Variants in HSD17B2 observed in about 807,000 individuals in gnomAD.
HSD17B2 encodes the protein hydroxysteroid 17-beta dehydrogenase 2, also known as 17-beta-hydroxysteroid dehydrogenase type 2.
Under a neutral mutation model 26.9 loss-of-function variants are expected in HSD17B2, and 32 were observed. That is an observed-to-expected ratio of 1.19 (90% CI 0.90 to 1.60). HSD17B2 has a LOEUF of 1.60. Ranked by LOEUF, HSD17B2 falls within the 40% of genes most tolerant of loss-of-function variation. The pLI is 0.00. For missense variants in HSD17B2, 613 were observed against 468.6 expected (o/e 1.31, Z -2.85); for synonymous variants, 246 against 186.7 (o/e 1.32, Z -2.59).
chr16:82,039,581 C>G lies in HSD17B2; in HGVS notation c.265+3892C>G, dbSNP rs79612146. Among the ~76,000 whole-genome samples the G allele has an allele frequency of 6.2e-3, 945 of 152,238 alleles. 12 individuals carry two copies. Among genetic ancestry groups the G allele is most frequent in the Middle Eastern group, 0.024 (7 of 294 alleles). ...TTAAGACCAGGAAATTACTGTCAAGCGATGGGATCAAAATTCCTACTTTTC... is the reference window on the plus strand; with the variant it reads ...TTAAGACCAGGAAATTACTGTCAAGGGATGGGATCAAAATTCCTACTTTTC... On this transcript the variant is annotated intron_variant, in intron 1 of 4. Coordinates refer to ENST00000199936, the MANE Select transcript of HSD17B2 (RefSeq NM_002153.3).
chr16:82,035,857 G>A (rs1156455095), intron 1 of HSD17B2, among the ~76,000 whole-genome samples, 168 bp downstream of exon 1: 2 of 152,046 alleles, frequency 1.3e-5, no homozygotes, highest in African/African-American at 4.8e-5. Context: ...TTTTTTCCAG[G>A]AGGTGCATTT....
chr16:82,076,966 TG>T (rs1357837073), intron 3 of HSD17B2, among the ~76,000 whole-genome samples: 1 of 152,088 alleles, frequency 6.6e-6, no homozygotes, highest in Non-Finnish European at 1.5e-5. Context: ...ACCAGAGAAG[TG>T]AAAGATCTCT....
At position 82,090,885 on chromosome 16, in the gene HSD17B2, TCCCA is replaced by T. The variant is rs1597139858; in HGVS notation, c.665-16_665-13del. ...ACATTTCTAACTTTGCTTCTTTTTC[TCCCA>T]TTATTCCCATAGGAGGGGCCCCAAT... On this transcript the variant is annotated splice_polypyrimidine_tract_variant and intron_variant, in intron 3 of 4. Transcript: ENST00000199936. 6.3e-7 allele frequency: 1 copy of T among 1,582,428 alleles called. No homozygotes were observed.
chr16:82,063,244 G>C (rs1223337436), intron 1 of HSD17B2: 1 of 152,168 alleles, frequency 6.6e-6, no homozygotes, highest in Non-Finnish European at 1.5e-5. Context: ...AATATTGTGA[G>C]TGGAAACATC....
rs1007040439 is a variant in HSD17B2, at chr16:82,072,422, G to A, written c.664+1295G>A. ...AGCCTTTACAATTTTGGCCTGTGTG[G>A]AAGCCTCACCTTTCTCATTTCCCTG... is the stretch of plus-strand genomic sequence containing the variant. On this transcript the variant is annotated intron_variant, in intron 3 of 4. Coordinates refer to ENST00000199936, the MANE Select transcript of HSD17B2 (RefSeq NM_002153.3). Among the ~76,000 whole-genome samples the A allele has an allele frequency of 3.3e-5, 5 of 152,146 alleles. No homozygotes were observed. The South Asian group carries it at 1.0e-3, about 32-fold the overall frequency.
chr16:82,068,407 C>A lies in HSD17B2; in HGVS notation c.478+25C>A, dbSNP rs761100881. 5 of 1,567,992 alleles carry A rather than the reference C, an allele frequency of 3.2e-6. No individual in the cohort carries two copies. In the African/African-American group the frequency reaches 4.0e-5, roughly 13 times the overall value. On this transcript the variant is annotated intron_variant, in intron 2 of 4. Transcript: ENST00000199936. ...GGTACTGCCGCCAGCACCCTCAGTG[C>A]CTTTACCCTCCTCCTGAATGCCCAG...
At chr16:82,077,689 C>G (rs1904309476) in intron 3 of HSD17B2, among the ~76,000 whole-genome samples, 1 of 151,044 alleles carries the variant, frequency 6.6e-6, no homozygotes, top group South Asian at 2.1e-4. Flanking sequence ...TGTGATCACA[C>G]CATTGCACTC....
At chr16:82,050,491 T>C (rs1914075901) in intron 1 of HSD17B2, among the ~76,000 whole-genome samples, 1 of 152,164 alleles carries the variant, frequency 6.6e-6, no homozygotes, top group Admixed American at 6.5e-5. Context: ...GATTCCACTT[T>C]TGTCTCTTTA....
At chr16:82,046,062 T>C (rs1000419847) in intron 1 of HSD17B2, among the ~76,000 whole-genome samples, 2 of 152,184 alleles carry the variant, frequency 1.3e-5, no homozygotes, top group Non-Finnish European at 2.9e-5. Context: ...GAGCGAAGGG[T>C]GCTGACTGGG....
At chr16:82,048,591 A>C (rs1045529077) in intron 1 of HSD17B2, among the ~76,000 whole-genome samples, 4 of 152,204 alleles carry the variant, frequency 2.6e-5, no homozygotes, top group Non-Finnish European at 5.9e-5. Context: ...CCCAGAAGGA[A>C]GGACTTGAAG....
At chr16:82,054,830 A>T (rs1057120488) in intron 1 of HSD17B2, among the ~76,000 whole-genome samples, 1 of 152,134 alleles carries the variant, frequency 6.6e-6, no homozygotes, top group Non-Finnish European at 1.5e-5. Context: ...TATTTTTTTT[A>T]AAACCTAAGT....
intron 1 of HSD17B2, among the ~76,000 whole-genome samples, chr16:82,045,067 G>C (rs889578729): frequency 7.3e-6 from 1 of 137,198 alleles, no homozygotes; most frequent in Non-Finnish European, 1.5e-5. Flanking sequence ...AGGTTGCAGT[G>C]AGCTGAGATC....
intron 3 of HSD17B2, among the ~76,000 whole-genome samples, chr16:82,088,205 G>T (rs546436257): frequency 4.6e-5 from 7 of 152,282 alleles, no homozygotes; most frequent in South Asian, 4.2e-4. Context: ...ACGGCTGCTG[G>T]AGATTCTGAA....
intron 1 of HSD17B2, among the ~76,000 whole-genome samples, chr16:82,054,403 G>T (rs1914203827): frequency 6.6e-6 from 1 of 151,868 alleles, no homozygotes; most frequent in African/African-American, 2.4e-5. Context: ...GGAGTGTAGT[G>T]GTGTGATCTT....
At position 82,070,969 on chromosome 16, in the gene HSD17B2, G is replaced by A; in HGVS notation, c.506G>A (p.Gly169Glu). 6.2e-7 allele frequency: 1 copy of A among 1,614,108 alleles called. No homozygotes were observed. Among genetic ancestry groups the A allele is most frequent in the Non-Finnish European group, 8.5e-7 (1 of 1,179,970 alleles). ...CTGTGGGCTGTGATCAACAATGCTG[G>A]GGTGCTTGGCTTTCCAACTGATGGG... is the stretch of plus-strand genomic sequence containing the variant. ...RGLWAVINNA[G>E]VLGFPTDGEL... The change falls in exon 3 of 5, where the codon GGG (glycine) becomes GAG (glutamate). Residue 169 changes from glycine (G) to glutamate (E), a missense_variant. Physicochemically the swap from Gly to Glu is moderately conservative, Grantham distance 98. Coordinates refer to ENST00000199936, the MANE Select transcript of HSD17B2 (RefSeq NM_002153.3).
At chr16:82,078,258 C>G (rs577547115) in intron 3 of HSD17B2, among the ~76,000 whole-genome samples, 4 of 152,230 alleles carry the variant, frequency 2.6e-5, no homozygotes, top group Admixed American at 2.6e-4. Flanking sequence ...ATAAGACATA[C>G]AAATAGCAAA....
At chr16:82,089,737 A>G (rs1171398750) in intron 3 of HSD17B2, among the ~76,000 whole-genome samples, 1 of 152,050 alleles carries the variant, frequency 6.6e-6, no homozygotes, top group African/African-American at 2.4e-5. Context: ...TGGGCAACAT[A>G]ACCCAAATCT....
At chr16:82,090,810 T>C (rs1437800826) in intron 3 of HSD17B2, 92 bp from the exon 4 acceptor site, 1 of 1,248,782 alleles carries the variant, frequency 8.0e-7, no homozygotes, top group Non-Finnish European at 1.1e-6. Flanking sequence ...CTGATACCAG[T>C]TCCTACATAC....
chr16:82,036,352 G>GTGTA (rs1168556762), intron 1 of HSD17B2, among the ~76,000 whole-genome samples: 2 of 150,356 alleles, frequency 1.3e-5, no homozygotes, highest in African/African-American at 4.9e-5. Context: ...GTGTGTGTGT[G>GTGTA]TGTGTGTGTG....
Sources: allele counts gnomAD v4.1 joint callset (sites outside exome capture counted in the v4.1 genomes callset), GRCh38; gene constraint gnomAD v4.1.1; transcripts MANE v1.5; gene names NCBI Gene and HGNC (gene_info 2026-07-23, HGNC 2026-07-21).